The following CCDC187 variants were observed in gnomAD, a reference collection of about 807,000 sequenced individuals.
CCDC187 encodes the protein coiled-coil domain-containing protein 187.
A neutral mutation model predicts 38.0 loss-of-function variants in CCDC187; 32 were observed. That is an observed-to-expected ratio of 0.84 (90% CI 0.64 to 1.13). The LOEUF (loss-of-function observed/expected upper bound fraction) is 1.13. CCDC187 is among the 50% of genes most tolerant of loss of function. The pLI is 0.00. For missense variants in CCDC187, 707 were observed against 786.8 expected (o/e 0.90, Z 1.21); for synonymous variants, 333 against 347.9 (o/e 0.96, Z 0.48).
At chr9:136,267,324 GGGGCTACAGCA>G in intron 16 of CCDC187, 49 bp downstream of exon 16, 1 of 975,666 alleles carries the variant, frequency 1.0e-6, no homozygotes, top group African/African-American at 1.8e-5. Context: ...ACAGCAGGGC[GGGGCTACAGCA>G]GGGCGGGGCT....
chr9:136,291,741 G>A, intron 5 of CCDC187, 96 bp from the exon 6 acceptor site: 1 of 398,300 alleles, frequency 2.5e-6, no homozygotes, highest in Non-Finnish European at 4.4e-6. Flanking sequence ...TGTGGGGGCG[G>A]TGAGGAGGCC....
intron 18 of CCDC187, 44 bp from the exon 19 acceptor site, chr9:136,262,506 C>T (rs1305944395): frequency 5.1e-6 from 5 of 986,500 alleles, no homozygotes; most frequent in African/African-American, 1.7e-5. Flanking sequence ...CCACCTCTGC[C>T]CATTTCCTCC....
rs1831305975 is a variant in CCDC187, at chr9:136,290,784, T to C, written c.1829A>G (p.Gln610Arg). 3 of 398,428 alleles carry C rather than the reference T, an allele frequency of 7.5e-6. No homozygotes were observed. Among genetic ancestry groups the C allele is most frequent in the Non-Finnish European group, 1.3e-5 (3 of 226,024 alleles). The allele number at this position is 398,428 out of a possible 1,614,324, so 24.7% of individuals were successfully genotyped here. ...ALPRPTGSFP[Q>R]NPLGKEKDTL... ...GTCCTTCTCCTTCCCAAGTGGGTTC[T>C]GAGGGAAGCTCCCGGTGGGCCTTGG... Residue 610 changes from glutamine (Q) to arginine (R), a missense_variant, in exon 6 of 26, where the codon CAG becomes CGG. Gln to Arg is a conservative substitution (Grantham distance 43). Coordinates refer to ENST00000638797, the MANE Select transcript of CCDC187 (RefSeq NM_001378188.1).
intron 19 of CCDC187, among the ~76,000 whole-genome samples, chr9:136,260,690 G>A (rs910428624): frequency 3.3e-5 from 5 of 152,218 alleles, no homozygotes; most frequent in Non-Finnish European, 4.4e-5. Context: ...TTTCTCCCCC[G>A]GGCACCTGCC....
intron 7 of CCDC187, 53 bp downstream of exon 7, chr9:136,289,906 G>GCCC (rs36194822): frequency 6.5e-5 from 23 of 353,772 alleles, no homozygotes; most frequent in Middle Eastern, 7.1e-4. Context: ...ACTGTTCTTG[G>GCCC]CCCCCCCCAA....
At chr9:136,268,460 C>G (rs187817977) in intron 14 of CCDC187, among the ~76,000 whole-genome samples, 4 of 152,084 alleles carry the variant, frequency 2.6e-5, no homozygotes, top group Non-Finnish European at 4.4e-5. Flanking sequence ...GAAGGGCTGT[C>G]GGGGTCTAGC....
Position 136,303,003 on chromosome 9 carries a change from G to A in CCDC187, c.434C>T (p.Pro145Leu), listed in dbSNP as rs1831724364. The change falls in exon 2 of 26, where the codon CCC (proline) becomes CTC (leucine). Residue 145 changes from proline to leucine, a missense_variant. Transcript: ENST00000638797. ...CTCCAGCCGCGCGTCACTCTTTCTG[G>A]GCCTCTGCTGGGGCCCCAACACCTG... ...PPQVLGPQQR[P>L]RKSDARLEQL... 1 of 398,570 alleles carries A rather than the reference G, an allele frequency of 2.5e-6. No homozygotes were observed. The highest frequency in any genetic ancestry group is 3.6e-5 in the East Asian group (1 of 28,090). 24.7% of individuals were successfully genotyped at this position (398,570 alleles called of 1,614,324 possible). A position where few individuals can be genotyped will look rare whatever the true frequency, so the allele number is the denominator to read the frequency against.
rs959500209 is a variant in CCDC187 at position 136,293,869 on chromosome 9, C to G, written c.833-1574G>C. Among the ~76,000 whole-genome samples, 20 of 136,650 alleles carry G rather than the reference C, an allele frequency of 1.5e-4. 1 individual carries two copies. The East Asian group carries it at 3.8e-3, about 26-fold the overall frequency. 89.6% of individuals were successfully genotyped at this position (136,650 alleles called of 152,430 possible). Reference sequence around the variant, plus strand: ...TCTCACACACATTCAGTCTCATATGCTCTCTGACTCACACGCTCACACACA... The same window carrying G: ...TCTCACACACATTCAGTCTCATATGGTCTCTGACTCACACGCTCACACACA... On this transcript the variant is annotated intron_variant, in intron 4 of 25. Transcript: ENST00000638797.
intron 19 of CCDC187, 29 bp from the exon 20 acceptor site, chr9:136,260,293 C>G (rs535602603): frequency 2.0e-6 from 2 of 984,562 alleles, no homozygotes; most frequent in Non-Finnish European, 2.4e-6. Flanking sequence ...TGGAGGTGAC[C>G]GCCCGCCCGG....
At chr9:136,288,073 G>A (rs929659278) in intron 7 of CCDC187, among the ~76,000 whole-genome samples, 2 of 152,160 alleles carry the variant, frequency 1.3e-5, no homozygotes, top group South Asian at 2.1e-4. Flanking sequence ...CCGAGACGAC[G>A]AGTCCCAGCT....
At chr9:136,283,937 C>T (rs960791969) in intron 9 of CCDC187, among the ~76,000 whole-genome samples, 5 of 152,154 alleles carry the variant, frequency 3.3e-5, no homozygotes, top group Admixed American at 1.3e-4. Flanking sequence ...TTCCATGGGC[C>T]GGACTGGGCC....
intron 14 of CCDC187, among the ~76,000 whole-genome samples, chr9:136,270,325 G>A (rs73670223): frequency 1.6e-3 from 248 of 152,312 alleles, no homozygotes; most frequent in African/African-American, 5.6e-3. Flanking sequence ...AAGACAACGG[G>A]GCAGGGTAAG....
chr9:136,279,820 G>T (rs1017931232), intron 10 of CCDC187, among the ~76,000 whole-genome samples: 1 of 152,238 alleles, frequency 6.6e-6, no homozygotes. Flanking sequence ...CAGCCACAAG[G>T]CGATTCAGCC....
upstream of CCDC187, among the ~76,000 whole-genome samples, chr9:136,304,313 C>T (rs1008692992): frequency 1.6e-4 from 25 of 152,024 alleles, no homozygotes; most frequent in Non-Finnish European, 3.2e-4. Context: ...TTGGTGGGGG[C>T]GGGGCCTAAC....
chr9:136,273,792 G>A (rs1211992044), intron 14 of CCDC187, among the ~76,000 whole-genome samples: 3 of 152,244 alleles, frequency 2.0e-5, no homozygotes, highest in Non-Finnish European at 2.9e-5. Context: ...ACACAGATGT[G>A]TTTTGTGAAC....
intron 7 of CCDC187, among the ~76,000 whole-genome samples, chr9:136,289,666 AGTG>A (rs1343837912): frequency 6.6e-6 from 1 of 152,136 alleles, no homozygotes; most frequent in Admixed American, 6.5e-5. Flanking sequence ...ACTCAGTAGA[AGTG>A]GTGGTTGCAC....
At chr9:136,293,270 T>G (rs965209598) in intron 4 of CCDC187, among the ~76,000 whole-genome samples, 2 of 118,548 alleles carry the variant, frequency 1.7e-5, no homozygotes, top group African/African-American at 6.7e-5. Flanking sequence ...CACTCATGCT[T>G]TCACACTAAC....
chr9:136,256,756 G>T lies in CCDC187; in HGVS notation c.4452C>A (p.Arg1484=), dbSNP rs1408084881. 6.6e-6 allele frequency: 1 copy of T among 152,246 alleles called. No individual in the cohort carries two copies. The highest frequency in any genetic ancestry group is 2.4e-5 in the African/African-American group (1 of 41,454). The allele number at this position is 152,246 out of a possible 1,614,324, so 9.4% of individuals were successfully genotyped here. ...TDSHVGSFRE[R]SRRSCGREGP... Reference sequence around the variant, plus strand: ...CTTCTCTGCCGCAGGAGCGTCGGCTGCGTTCCCTGAAGCTCCCCACATGGC... The same window carrying T: ...CTTCTCTGCCGCAGGAGCGTCGGCTTCGTTCCCTGAAGCTCCCCACATGGC... The change falls in exon 23 of 26, where the codon CGC becomes CGA. Residue 1484 remains arginine (R), a synonymous_variant. Coordinates refer to ENST00000638797, the MANE Select transcript of CCDC187 (RefSeq NM_001378188.1).
chr9:136,258,933 T>C lies in CCDC187; in HGVS notation c.4365A>G (p.Pro1455=). The change falls in exon 22 of 26, where the codon CCA becomes CCG. Residue 1455 remains proline, a splice_region_variant and synonymous_variant. Coordinates refer to ENST00000638797, the MANE Select transcript of CCDC187 (RefSeq NM_001378188.1). The surrounding 1 kb of genome is among the most constrained non-coding windows in gnomAD (Gnocchi z 4.3). The stretch of plus-strand genomic sequence containing the variant: ...ACGCGGTGTTTCCAGGGTGCTTACC[T>C]GGGGGTGGCTCCTTCACCTCCCGAG... ...CRSREVKEPP[P]GDPQTKPGPS... 1.0e-6 allele frequency: 1 copy of C among 985,464 alleles called. No individual in the cohort carries two copies. The highest frequency in any genetic ancestry group is 1.2e-6 in the Non-Finnish European group (1 of 830,002). 61.0% of individuals were successfully genotyped at this position (985,464 alleles called of 1,614,324 possible). A position where few individuals can be genotyped will look rare whatever the true frequency, so the allele number is the denominator to read the frequency against.
Sources: gnomAD v4.1 joint callset for allele counts (sites outside exome capture counted in the v4.1 genomes callset) on GRCh38, gnomAD v4.1.1 for gene constraint, Gnocchi (gnomAD v3.1) non-coding constraint, MANE v1.5 for transcripts, NCBI Gene and HGNC (gene_info 2026-07-23, HGNC 2026-07-21) for gene names.